The following ZSWIM5 variants were observed in gnomAD, a reference collection of about 807,000 sequenced individuals.
ZSWIM5 encodes the protein zinc finger SWIM domain-containing protein 5.
Under a neutral mutation model 119.6 loss-of-function variants are expected in ZSWIM5, and 55 were observed. That is an observed-to-expected ratio of 0.46 (90% confidence interval 0.37 to 0.58). ZSWIM5 has a LOEUF of 0.58. Ranked by LOEUF, ZSWIM5 falls within the 20% of genes least tolerant of loss-of-function variation. The probability of loss-of-function intolerance (pLI) is 0.00; values close to 1 mark genes in which losing one functional copy is unlikely to be tolerated. For synonymous variants in ZSWIM5, 537 were observed against 606.9 expected, an observed-to-expected ratio of 0.88 and a Z score of 1.69; for missense variants, 1,193 against 1,512.8, an observed-to-expected ratio of 0.79 and a Z score of 3.51.
Position 45,206,166 on chromosome 1 carries a change from G to C in ZSWIM5, c.185C>G (p.Pro62Arg). 6.2e-7 allele frequency: 1 copy of C among 1,607,452 alleles called. No homozygotes were observed. The highest frequency in any genetic ancestry group is 8.5e-7 in the Non-Finnish European group (1 of 1,177,870). ...GGCGGCGCAGTCCAGTAAGGAATCC[G>C]GCTGCAGGTGGGGGCGGGCCCCGAG... Reference protein sequence around the residue: ...LVLGARPHLQPDSLLDCAAKT... With the variant: ...LVLGARPHLQRDSLLDCAAKT... The change falls in exon 1 of 14, where the codon CCG becomes CGG. Residue 62 changes from proline to arginine, a missense_variant. Physicochemically the swap from Pro to Arg is moderately radical, Grantham distance 103. Coordinates refer to ENST00000359600, the MANE Select transcript of ZSWIM5 (RefSeq NM_020883.2).
In ZSWIM5 at chr1:45,057,359, G is replaced by A. The variant is rs148035641; in HGVS notation, c.1252+1250C>T. The stretch of plus-strand genomic sequence containing the variant: ...AGATATGAAAATGCCAGAAGCAAGA[G>A]TTTTTCATAATGAACCCAAGTATAT... On this transcript the variant is annotated intron_variant, in intron 4 of 13. Coordinates refer to ENST00000359600, the MANE Select transcript of ZSWIM5 (RefSeq NM_020883.2). The surrounding 1 kb of genome is among the most constrained non-coding windows in gnomAD (Gnocchi z 4.7). Among the ~76,000 whole-genome samples, 2 of 152,336 alleles carry A rather than the reference G, an allele frequency of 1.3e-5. No individual in the cohort carries two copies. The highest frequency in any genetic ancestry group is 4.8e-5 in the African/African-American group (2 of 41,580).
rs1291748395 is a variant in ZSWIM5, at chr1:45,057,684, C to T, written c.1252+925G>A. 6.6e-6 allele frequency among the ~76,000 whole-genome samples: 1 copy of T among 152,134 alleles called. No individual in the cohort carries two copies. Among genetic ancestry groups the T allele is most frequent in the African/African-American group, 2.4e-5 (1 of 41,400 alleles). On this transcript the variant is annotated intron_variant, in intron 4 of 13. Transcript: ENST00000359600. This position sits in a 1 kb window ranked among gnomAD's most constrained non-coding sequence, Gnocchi z 4.7. ...GAGCCAAAACTTACTAGTGTGTGACCCTGAGTTCAGGGTATGGAAGATTCT... is the reference window on the plus strand; with the variant it reads ...GAGCCAAAACTTACTAGTGTGTGACTCTGAGTTCAGGGTATGGAAGATTCT...
intron 4 of ZSWIM5, among the ~76,000 whole-genome samples, chr1:45,053,653 C>G (rs1217437498): frequency 6.6e-6 from 1 of 150,818 alleles, no homozygotes; most frequent in South Asian, 2.1e-4. Flanking sequence ...ATCCCAGTTA[C>G]TCAGGTGGCC....
chr1:45,187,216 G>C (rs1646064616), intron 1 of ZSWIM5, among the ~76,000 whole-genome samples: 1 of 152,050 alleles, frequency 6.6e-6, no homozygotes, highest in African/African-American at 2.4e-5. Flanking sequence ...ACTAGAGCAA[G>C]AGTAATAAAG....
At chr1:45,031,888 A>G (rs1031038026) in intron 11 of ZSWIM5, among the ~76,000 whole-genome samples, 4 of 150,640 alleles carry the variant, frequency 2.7e-5, no homozygotes, top group African/African-American at 7.3e-5. Flanking sequence ...GATTTGAAGC[A>G]TTTTTCATTT....
chr1:45,054,669 AATATT>A (rs1645110740), intron 4 of ZSWIM5, among the ~76,000 whole-genome samples: 1 of 82,810 alleles, frequency 1.2e-5, no homozygotes. Context: ...GTAATTATTA[AATATT>A]AAATATAATA....
rs1202191653 is a variant in ZSWIM5, at chr1:45,051,106, T to A, written c.1400A>T (p.Asn467Ile). The A allele has an allele frequency of 6.2e-7, 1 of 1,614,106 alleles. No homozygotes were observed. Among genetic ancestry groups the A allele is most frequent in the Admixed American group, 1.7e-5 (1 of 60,010 alleles). ...GTGAATGGCACTCTGGGGAAGTGCA[T>A]TGGTGATGTTGGGCAGCTCATGTCC... ...NYGHELPNIT[N>I]ALPQSAIHSP... is the part of the protein sequence containing the mutation. Residue 467 changes from asparagine to isoleucine, a missense_variant, in exon 5 of 14, where the codon AAT (asparagine) becomes ATT (isoleucine). Physicochemically the swap from Asn to Ile is moderately radical, Grantham distance 149. Transcript: ENST00000359600.
intron 1 of ZSWIM5, among the ~76,000 whole-genome samples, chr1:45,176,366 C>T (rs546328178): frequency 7.9e-5 from 12 of 152,044 alleles, no homozygotes; most frequent in African/African-American, 2.4e-4. Context: ...TGGGTTCAAG[C>T]GATTCTCCTG....
chr1:45,119,420 C>G (rs1570119286), intron 1 of ZSWIM5, among the ~76,000 whole-genome samples: 1 of 152,174 alleles, frequency 6.6e-6, no homozygotes. Context: ...CCTTCAGACA[C>G]TGCACTTTAC....
chr1:45,203,788 T>C (rs1646171521), intron 1 of ZSWIM5, among the ~76,000 whole-genome samples: 1 of 152,048 alleles, frequency 6.6e-6, no homozygotes, highest in Admixed American at 6.5e-5. Flanking sequence ...TCTCCTATAC[T>C]TATTAACCTA....
chr1:45,085,106 G>C (rs1225045944), intron 2 of ZSWIM5, among the ~76,000 whole-genome samples: 1 of 152,224 alleles, frequency 6.6e-6, no homozygotes, highest in Non-Finnish European at 1.5e-5. Flanking sequence ...CTCAACTCTT[G>C]ACCTCTGTGC....
intron 1 of ZSWIM5, among the ~76,000 whole-genome samples, chr1:45,178,917 T>C (rs989295103): frequency 6.6e-6 from 1 of 152,020 alleles, no homozygotes; most frequent in Non-Finnish European, 1.5e-5. Flanking sequence ...TAAGATACTA[T>C]TTAAAATTAA....
rs533300101 is a variant in ZSWIM5 at position 45,151,186 on chromosome 1, T to C, written c.595+54570A>G. Among the ~76,000 whole-genome samples, 20 of 152,222 alleles carry C rather than the reference T, an allele frequency of 1.3e-4. No homozygotes were observed. The East Asian group carries it at 3.7e-3, about 28-fold the overall frequency. The stretch of plus-strand genomic sequence containing the variant: ...CACTTCTCTGCCTTATTTTTCACCA[T>C]AGTATTTACTACCATCTGATTATTG... On this transcript the variant is annotated intron_variant, in intron 1 of 13. Transcript: ENST00000359600.
chr1:45,020,874 C>G lies in ZSWIM5; in HGVS notation c.2450-86G>C. ...CTGCAATAGATACTCATTGAAATGG[C>G]TGCTATCAATTCATTGAATGCTTCT... On this transcript the variant is annotated intron_variant, in intron 11 of 13. Transcript: ENST00000359600. 8.2e-6 allele frequency: 12 copies of G among 1,457,636 alleles called. No homozygotes were observed. In the South Asian group the frequency reaches 1.5e-4, roughly 19 times the overall value. The allele number at this position is 1,457,636 out of a possible 1,614,324, so 90.3% of individuals were successfully genotyped here. A position where few individuals can be genotyped will look rare whatever the true frequency, so the allele number is the denominator to read the frequency against.
chr1:45,167,083 C>T (rs1477873511), intron 1 of ZSWIM5, among the ~76,000 whole-genome samples: 1 of 152,054 alleles, frequency 6.6e-6, no homozygotes, highest in Non-Finnish European at 1.5e-5. Flanking sequence ...TACTACAAGG[C>T]TACAGTAACC....
In ZSWIM5 at chr1:45,088,476, A is replaced by G. The variant is rs1299813999; in HGVS notation, c.596-239T>C. 2.0e-5 allele frequency among the ~76,000 whole-genome samples: 3 copies of G among 152,190 alleles called. No individual in the cohort carries two copies. Among genetic ancestry groups the G allele is most frequent in the Non-Finnish European group, 4.4e-5 (3 of 68,042 alleles). ...GTGAACCTCCTGAACTCACACTGAT[A>G]TGAAAACTTTAGTTTGTACGTGTAT... On this transcript the variant is annotated intron_variant, in intron 1 of 13. Coordinates refer to ENST00000359600, the MANE Select transcript of ZSWIM5 (RefSeq NM_020883.2). This position sits in a 1 kb window ranked among gnomAD's most constrained non-coding sequence, Gnocchi z 4.2.
chr1:45,064,605 C>T (rs768979448), intron 2 of ZSWIM5, among the ~76,000 whole-genome samples: 3 of 152,140 alleles, frequency 2.0e-5, no homozygotes, highest in Non-Finnish European at 4.4e-5. Flanking sequence ...TACATATACC[C>T]ATTAGAATGT....
chr1:45,168,844 G>A (rs1230824635), intron 1 of ZSWIM5, among the ~76,000 whole-genome samples: 1 of 151,970 alleles, frequency 6.6e-6, no homozygotes, highest in Non-Finnish European at 1.5e-5. Flanking sequence ...GCAAAACTCA[G>A]CTAGAACAGA....
chr1:45,117,995 GGAGGCAGAGCTTGCAGA>G (rs1157099694), intron 1 of ZSWIM5, among the ~76,000 whole-genome samples: 7 of 151,866 alleles, frequency 4.6e-5, no homozygotes, highest in African/African-American at 9.7e-5. Context: ...CTTGAACCTG[GGAGGCAGAGCTTGCAGA>G]GAGGCAGAGC....
Sources: allele counts gnomAD v4.1 joint callset (sites outside exome capture counted in the v4.1 genomes callset), GRCh38; gene constraint gnomAD v4.1.1; non-coding constraint Gnocchi (gnomAD v3.1); transcripts MANE v1.5; gene names NCBI Gene and HGNC (gene_info 2026-07-23, HGNC 2026-07-21).